Variants in THADA observed in about 807,000 individuals in gnomAD.
THADA encodes the protein THADA armadillo repeat containing.
Under a neutral mutation model 219.8 loss-of-function variants are expected in THADA, and 213 were observed. The observed-to-expected ratio is 0.97, with a 90% CI of 0.87 to 1.09. THADA has a LOEUF of 1.09. Among genes scored for constraint, THADA ranks in the 50% least tolerant of loss-of-function variants. The pLI is 0.00. For synonymous variants in THADA, 1,018 were observed against 828.9 expected (o/e 1.23, Z -3.92); for missense variants, 2,956 against 2,311.3 (o/e 1.28, Z -5.72).
At chr2:43,579,641 C>T (rs559340486) in intron 8 of THADA, among the ~76,000 whole-genome samples, 2 of 152,288 alleles carry the variant, frequency 1.3e-5, no homozygotes, top group Non-Finnish European at 2.9e-5. Context: ...TAAAGGTAGG[C>T]ATATAAGAGG....
rs1683676431 is a variant in THADA at position 43,461,823 on chromosome 2, A to G, written c.3836+23411T>C. Among the ~76,000 whole-genome samples the G allele has an allele frequency of 2.0e-5, 3 of 152,304 alleles. 1 individual carries two copies. In the South Asian group the frequency reaches 6.2e-4, roughly 32 times the overall value. On this transcript the variant is annotated intron_variant, in intron 26 of 37. Transcript: ENST00000405975. ...TACTGCTTTCAGCAAAGGTTCTGCA[A>G]TCAAAGGCCTGAAAATGTTCAAATG...
chr2:43,536,092 G>A (rs112387154), intron 21 of THADA, among the ~76,000 whole-genome samples: 15,291 of 152,098 alleles, frequency 0.1, 821 homozygotes, highest in South Asian at 0.14. Flanking sequence ...ATGACCCACC[G>A]TGCCCAGCCT....
At chr2:43,322,301 C>T (rs1312143361) in intron 30 of THADA, among the ~76,000 whole-genome samples, 1 of 152,032 alleles carries the variant, frequency 6.6e-6, no homozygotes, top group Admixed American at 6.5e-5. Context: ...GTCAGGAGAT[C>T]GAGATCAGCA....
At chr2:43,454,825 T>C (rs1682788704) in intron 26 of THADA, among the ~76,000 whole-genome samples, 1 of 152,174 alleles carries the variant, frequency 6.6e-6, no homozygotes, top group African/African-American at 2.4e-5. Context: ...TTAAGTTAAA[T>C]ACGAATAAGA....
chr2:43,516,618 G>C (rs1445171311), intron 22 of THADA, among the ~76,000 whole-genome samples: 1 of 152,142 alleles, frequency 6.6e-6, no homozygotes, highest in Non-Finnish European at 1.5e-5. Context: ...GGGGGTAGAA[G>C]AGACGGAAGC....
intron 30 of THADA, chr2:43,333,136 T>A (rs1421309355): frequency 6.6e-6 from 1 of 152,218 alleles, no homozygotes; most frequent in Non-Finnish European, 1.5e-5. Context: ...GGATATTTAA[T>A]GAAGAAAATG....
chr2:43,360,475 G>A (rs993901804), intron 29 of THADA, among the ~76,000 whole-genome samples: 2 of 152,144 alleles, frequency 1.3e-5, no homozygotes, highest in African/African-American at 4.8e-5. Context: ...TGTTTGTGTC[G>A]TGGGCCACCA....
chr2:43,583,407 C>T (rs905066634), intron 7 of THADA, among the ~76,000 whole-genome samples: 10 of 152,210 alleles, frequency 6.6e-5, no homozygotes, highest in African/African-American at 2.2e-4. Flanking sequence ...TTGCCATAGC[C>T]TCCTAACTGG....
At chr2:43,374,202 T>C (rs145517982) in intron 29 of THADA, among the ~76,000 whole-genome samples, 9 of 152,368 alleles carry the variant, frequency 5.9e-5, no homozygotes, top group Non-Finnish European at 1.3e-4. Flanking sequence ...ACATGTAATA[T>C]TCTTGGGGAA....
chr2:43,472,095 A>T (rs1206594014), intron 26 of THADA, among the ~76,000 whole-genome samples: 2 of 152,254 alleles, frequency 1.3e-5, no homozygotes, highest in Admixed American at 1.3e-4. Context: ...TGGGGGAAGA[A>T]AAGTTTCCAG....
intron 37 of THADA, among the ~76,000 whole-genome samples, chr2:43,232,304 G>A (rs1340612291): frequency 1.3e-5 from 2 of 151,756 alleles, no homozygotes; most frequent in East Asian, 3.9e-4. Context: ...TCAGCCTCCC[G>A]AGTAGCTGGG....
At chr2:43,386,312 TTTAAC>T (rs1354907923) in intron 29 of THADA, among the ~76,000 whole-genome samples, 2 of 152,150 alleles carry the variant, frequency 1.3e-5, no homozygotes, top group African/African-American at 4.8e-5. Context: ...TCAAGTAAGA[TTTAAC>T]TTATGTTTTT....
chr2:43,402,651 C>G (rs1167546481), intron 28 of THADA, among the ~76,000 whole-genome samples: 1 of 152,210 alleles, frequency 6.6e-6, no homozygotes, highest in African/African-American at 2.4e-5. Flanking sequence ...CCTAGCACAG[C>G]ACACACTTGG....
chr2:43,285,240 A>G (rs1201614144), intron 35 of THADA, among the ~76,000 whole-genome samples: 1 of 152,186 alleles, frequency 6.6e-6, no homozygotes, highest in East Asian at 1.9e-4. Context: ...AAATGATATG[A>G]TCTGGACTTG....
intron 22 of THADA, among the ~76,000 whole-genome samples, chr2:43,525,159 C>T (rs1693005210): frequency 1.3e-5 from 2 of 152,148 alleles, no homozygotes; most frequent in African/African-American, 4.8e-5. Flanking sequence ...TTTCAACTTC[C>T]TTTGTTTTGT....
intron 26 of THADA, among the ~76,000 whole-genome samples, chr2:43,456,126 A>G (rs1682965100): frequency 6.6e-6 from 1 of 152,224 alleles, no homozygotes; most frequent in African/African-American, 2.4e-5. Context: ...TTTGAGGTAT[A>G]TAAATACCTC....
At chr2:43,234,646 T>C (rs951482228) in intron 36 of THADA, among the ~76,000 whole-genome samples, 2 of 152,220 alleles carry the variant, frequency 1.3e-5, no homozygotes, top group Admixed American at 1.3e-4. Context: ...CCTTTTTCTT[T>C]CTTTTTTCCC....
chr2:43,437,249 A>G (rs977804921), intron 26 of THADA, among the ~76,000 whole-genome samples: 1 of 152,230 alleles, frequency 6.6e-6, no homozygotes, highest in Non-Finnish European at 1.5e-5. Flanking sequence ...TAGACTTCCA[A>G]TCTACAGGTT....
chr2:43,564,736 T>C (rs975147418), intron 15 of THADA: 1 of 152,248 alleles, frequency 6.6e-6, no homozygotes. Flanking sequence ...GTATCATCAA[T>C]ACTCTAATAG....
Sources: allele counts gnomAD v4.1 joint callset (sites outside exome capture counted in the v4.1 genomes callset), GRCh38; gene constraint gnomAD v4.1.1; transcripts MANE v1.5; gene names NCBI Gene and HGNC (gene_info 2026-07-23, HGNC 2026-07-21).